Variants in WDHD1 observed in about 807,000 individuals in gnomAD.
WDHD1 encodes the protein WD repeat and HMG-box DNA-binding protein 1.
Under a neutral mutation model 135.4 loss-of-function variants are expected in WDHD1, and 111 were observed. The observed-to-expected ratio is 0.82, with a 90% CI of 0.70 to 0.96. The LOEUF (loss-of-function observed/expected upper bound fraction) is 0.96. Ranked by LOEUF, WDHD1 falls within the 40% of genes least tolerant of loss-of-function variation. WDHD1 has a pLI of 0.00. For synonymous variants in WDHD1, 434 were observed against 439.0 expected (o/e 0.99, Z 0.14); for missense variants, 1,351 against 1,336.3 (o/e 1.01, Z -0.17).
chr14:54,966,262 G>C (rs1480673174), intron 18 of WDHD1, among the ~76,000 whole-genome samples: 1 of 151,672 alleles, frequency 6.6e-6, no homozygotes, highest in Non-Finnish European at 1.5e-5. Context: ...GTGAACCCGG[G>C]AGGCAGAGGT....
At chr14:54,986,177 T>C (rs2041691506) in intron 14 of WDHD1, among the ~76,000 whole-genome samples, 2 of 152,172 alleles carry the variant, frequency 1.3e-5, no homozygotes, top group Admixed American at 1.3e-4. Context: ...CTAAGAGTCA[T>C]GGAATCAATT....
At chr14:55,023,909 G>C (rs2042390084) in intron 2 of WDHD1, among the ~76,000 whole-genome samples, 1 of 152,150 alleles carries the variant, frequency 6.6e-6, no homozygotes, top group Admixed American at 6.5e-5. Flanking sequence ...ATGTTTGAGT[G>C]TGTAAATTTT....
intron 2 of WDHD1, among the ~76,000 whole-genome samples, chr14:55,024,608 A>G (rs1220804689): frequency 6.6e-6 from 1 of 152,058 alleles, no homozygotes; most frequent in Non-Finnish European, 1.5e-5. Context: ...AGAAGTAGAC[A>G]TAAGAGACTC....
At chr14:54,963,533 G>T (rs781460496) in intron 18 of WDHD1, among the ~76,000 whole-genome samples, 1 of 152,030 alleles carries the variant, frequency 6.6e-6, no homozygotes, top group Non-Finnish European at 1.5e-5. Context: ...GGCTGGGCAC[G>T]GTGGCTCACG....
Position 54,989,132 on chromosome 14 carries a change from G to A in WDHD1, c.1422C>T (p.Ser474=). The A allele has an allele frequency of 6.2e-7, 1 of 1,613,564 alleles. No individual in the cohort carries two copies. The highest frequency in any genetic ancestry group is 1.7e-4 in the Middle Eastern group (1 of 6,058). Residue 474 remains serine (S), a synonymous_variant, in exon 13 of 26, where the codon TCC becomes TCT. Coordinates refer to ENST00000360586, the MANE Select transcript of WDHD1 (RefSeq NM_007086.4). ...TTGATAAGTGTGTTGCATGGTGTAT[G>A]GAGGTATCATGGAACTCCACATCTA... is the stretch of plus-strand genomic sequence containing the variant. The part of the protein sequence containing the change: ...NAIDVEFHDT[S]IHHATHLSNT...
At chr14:55,005,575 G>C in intron 7 of WDHD1, 1 of 601,830 alleles carries the variant, frequency 1.7e-6, no homozygotes. Flanking sequence ...TCCTTTTATA[G>C]ATGTACTGTC....
chr14:54,975,014 T>A (rs2041501966), intron 16 of WDHD1, among the ~76,000 whole-genome samples: 1 of 152,202 alleles, frequency 6.6e-6, no homozygotes, highest in Non-Finnish European at 1.5e-5. Context: ...AGCCTACCTC[T>A]TCCAGGCCAC....
At chr14:54,971,051 T>C (rs1319056018) in intron 16 of WDHD1, among the ~76,000 whole-genome samples, 2 of 152,212 alleles carry the variant, frequency 1.3e-5, no homozygotes, top group African/African-American at 2.4e-5. Context: ...AGAATGAAAC[T>C]GGACCCTTAA....
chr14:54,984,836 C>A lies in WDHD1; in HGVS notation c.1793G>T (p.Cys598Phe). The change falls in exon 15 of 26, where the codon TGC (cysteine) becomes TTC (phenylalanine). Residue 598 changes from cysteine to phenylalanine, a missense_variant. Physicochemically the swap from Cys to Phe is radical, Grantham distance 205 (BLOSUM62 -2). This residue lies in a region of WDHD1 where 1,330 missense variants were observed against 1,296.1 expected (regional missense o/e 1.03). Transcript: ENST00000360586. ...HRGTGFDGDQ[C>F]LGVQLLELGK... ...CAGCTCTAGCAGTTGAACTCCAAGG[C>A]ACTGATCCCCATCAAATCCTGTACC... 1 of 1,612,538 alleles carries A rather than the reference C, an allele frequency of 6.2e-7. No homozygotes were observed. The highest frequency in any genetic ancestry group is 8.5e-7 in the Non-Finnish European group (1 of 1,179,492).
At chr14:54,948,786 G>A (rs750089585) in intron 24 of WDHD1, among the ~76,000 whole-genome samples, 5 of 152,282 alleles carry the variant, frequency 3.3e-5, no homozygotes, top group South Asian at 2.1e-4. Flanking sequence ...TCACACGGCC[G>A]GGTACCCCTC....
At chr14:54,997,142 C>A (rs2041895868) in intron 10 of WDHD1, among the ~76,000 whole-genome samples, 1 of 133,882 alleles carries the variant, frequency 7.5e-6, no homozygotes, top group African/African-American at 2.8e-5. Context: ...GTCACCCAGG[C>A]TGGAGTGCAG....
chr14:54,996,730 A>G (rs919011065), intron 10 of WDHD1, among the ~76,000 whole-genome samples: 3 of 120,904 alleles, frequency 2.5e-5, no homozygotes, highest in Admixed American at 7.6e-5. Context: ...ATAGTTTGGT[A>G]TAAGTCTAAT....
chr14:55,018,181 A>G (rs1183481216), intron 2 of WDHD1, among the ~76,000 whole-genome samples: 1 of 152,180 alleles, frequency 6.6e-6, no homozygotes, highest in African/African-American at 2.4e-5. Context: ...ATTATTAGAA[A>G]CAAGTCCTCT....
intron 12 of WDHD1, 70 bp from the exon 13 acceptor site, chr14:54,989,282 G>T: frequency 9.1e-7 from 1 of 1,095,054 alleles, no homozygotes; most frequent in Non-Finnish European, 1.3e-6. Context: ...AGCCACAGTA[G>T]TACAAATTAA....
rs748409316 is a variant in WDHD1 at position 54,944,392 on chromosome 14, T to G, written c.3129A>C (p.Glu1043Asp). ...TCATTCCTTCTTTTATTATGTCTGC[T>G]TCATCTGAAAAGTCAGGATTGTCAG... The part of the protein sequence containing the change: ...ILSDNPDFSD[E>D]ADIIKEGMIR... Residue 1043 changes from glutamate (E) to aspartate (D), a missense_variant, in exon 25 of 26, where the codon GAA becomes GAC. Coordinates refer to ENST00000360586, the MANE Select transcript of WDHD1 (RefSeq NM_007086.4). 2 of 1,609,092 alleles carry G rather than the reference T, an allele frequency of 1.2e-6. No homozygotes were observed. The highest frequency in any genetic ancestry group is 2.2e-5 in the East Asian group (1 of 44,572).
At chr14:54,989,685 A>C (rs892489011) in intron 12 of WDHD1, among the ~76,000 whole-genome samples, 4 of 149,998 alleles carry the variant, frequency 2.7e-5, no homozygotes, top group African/African-American at 9.8e-5. Context: ...TTTTGGAGAC[A>C]GTTTTGCTCT....
chr14:54,986,107 T>C (rs1000834641), intron 14 of WDHD1, among the ~76,000 whole-genome samples: 10 of 152,198 alleles, frequency 6.6e-5, no homozygotes, highest in African/African-American at 2.4e-4. Context: ...TGAGATGTAT[T>C]TAAAGCCATG....
intron 15 of WDHD1, among the ~76,000 whole-genome samples, chr14:54,981,903 G>C (rs982066973): frequency 6.6e-6 from 1 of 152,018 alleles, no homozygotes; most frequent in East Asian, 1.9e-4. Flanking sequence ...CATTGGATTT[G>C]ATATGACTAA....
chr14:54,961,567 G>T (rs1267986918), intron 21 of WDHD1, among the ~76,000 whole-genome samples: 1 of 151,870 alleles, frequency 6.6e-6, no homozygotes, highest in Non-Finnish European at 1.5e-5. Context: ...CATCCTTCAG[G>T]TCTCTGCTGT....
Sources: gnomAD v4.1 joint callset for allele counts (sites outside exome capture counted in the v4.1 genomes callset) on GRCh38, gnomAD v4.1.1 for gene constraint, gnomAD v4.1.1 regional missense constraint, MANE v1.5 for transcripts, NCBI Gene and HGNC (gene_info 2026-07-23, HGNC 2026-07-21) for gene names.